CRB1: variants seen among roughly 807,000 people sequenced by gnomAD.
The protein encoded by CRB1 is crumbs cell polarity complex component 1.
A neutral mutation model predicts 120.0 loss-of-function variants in CRB1; 83 were observed. That is an observed-to-expected ratio of 0.69 (90% CI 0.58 to 0.83). The LOEUF (loss-of-function observed/expected upper bound fraction) is 0.83. Ranked by LOEUF, CRB1 falls within the 40% of genes least tolerant of loss-of-function variation. The pLI, the probability that CRB1 is intolerant of heterozygous loss-of-function variation, is 0.00. For synonymous variants in CRB1, 625 were observed against 612.5 expected, an observed-to-expected ratio of 1.02 and a Z score of -0.30; for missense variants, 1,699 against 1,687.6, an observed-to-expected ratio of 1.01 and a Z score of -0.12.
At chr1:197,264,661 G>A (rs576914437), upstream of CRB1, among the ~76,000 whole-genome samples, 10 of 138,678 alleles carry the variant, frequency 7.2e-5, no homozygotes, top group South Asian at 6.8e-4. Context: ...TCGCTCTGTC[G>A]CCCAGGCTGG....
chr1:197,203,890 C>G, the CRB1 span, among the ~76,000 whole-genome samples: 2 of 151,810 alleles, frequency 1.3e-5, no homozygotes, highest in African/African-American at 4.8e-5. Context: ...TTTGGTGCAC[C>G]CATCATCCAA....
rs111258621 is a variant in CRB1, at chr1:197,383,236, A to G, written c.1171+26223A>G. Among the ~76,000 whole-genome samples the G allele has an allele frequency of 1.9e-3, 288 of 152,250 alleles. 1 individual carries two copies. Among genetic ancestry groups the G allele is most frequent in the African/African-American group, 6.6e-3 (274 of 41,548 alleles). ...ACAAGATGTCTATAATAGAGTTTCC[A>G]TAGGAACTCAAACTAAAATTGTTGA... On this transcript the variant is annotated intron_variant, in intron 5 of 11. Coordinates refer to ENST00000367400, the MANE Select transcript of CRB1 (RefSeq NM_201253.3).
upstream of CRB1, among the ~76,000 whole-genome samples, chr1:197,267,605 T>A (rs74136091): frequency 6.6e-6 from 1 of 152,348 alleles, no homozygotes; most frequent in African/African-American, 2.4e-5. Context: ...TTAATGGATG[T>A]TTTCATGGTG....
At chr1:197,397,330 G>A (rs1242243040) in intron 5 of CRB1, among the ~76,000 whole-genome samples, 1 of 152,106 alleles carries the variant, frequency 6.6e-6, no homozygotes, top group Non-Finnish European at 1.5e-5. Flanking sequence ...ACCAAATGCT[G>A]GAGAGGATGT....
chr1:197,451,960 TTTAATACGG>T (rs1356330097), intron 11 of CRB1, among the ~76,000 whole-genome samples: 2 of 152,178 alleles, frequency 1.3e-5, no homozygotes, highest in Admixed American at 6.5e-5. Context: ...AAAATGACAA[TTTAATACGG>T]TTAAACTGAC....
At chr1:197,256,330 G>C in the CRB1 span, among the ~76,000 whole-genome samples, 1 of 151,846 alleles carries the variant, frequency 6.6e-6, no homozygotes, top group Non-Finnish European at 1.5e-5. Flanking sequence ...ACAGGGAGTA[G>C]TCCTTGTTGC....
Position 197,328,733 on chromosome 1 carries a change from G to A in CRB1, c.382G>A (p.Asp128Asn). Reference sequence around the variant, plus strand: ...CCAACATGGAGGTATTTGCCATCAGGACCCTATTTATCCTGTCTGCATCTG... The same window carrying A: ...CCAACATGGAGGTATTTGCCATCAGAACCCTATTTATCCTGTCTGCATCTG... ...SCQHGGICHQ[D>N]PIYPVCICPA... Residue 128 changes from aspartate to asparagine, a missense_variant, in exon 2 of 12, where the codon GAC becomes AAC. Asp to Asn is a conservative substitution (Grantham distance 23). Coordinates refer to ENST00000367400, the MANE Select transcript of CRB1 (RefSeq NM_201253.3). The A allele has an allele frequency of 1.2e-6, 2 of 1,611,982 alleles. No homozygotes were observed. The highest frequency in any genetic ancestry group is 1.7e-6 in the Non-Finnish European group (2 of 1,178,482).
chr1:197,370,393 A>G (rs1470947891), intron 5 of CRB1, among the ~76,000 whole-genome samples: 1 of 152,182 alleles, frequency 6.6e-6, no homozygotes, highest in Non-Finnish European at 1.5e-5. Context: ...TCATCAGCAC[A>G]TGGAACATTC....
chr1:197,235,836 G>A, the CRB1 span, among the ~76,000 whole-genome samples: 42 of 152,220 alleles, frequency 2.8e-4, no homozygotes, highest in Non-Finnish European at 5.1e-4. Flanking sequence ...TATGATCCAA[G>A]GATCATTTTG....
At chr1:197,351,187 CA>C (rs780090689) in intron 4 of CRB1, among the ~76,000 whole-genome samples, 43,353 of 85,706 alleles carry the variant, frequency 0.51, 9,698 homozygotes, top group South Asian at 0.7. Flanking sequence ...ACTAAAAATA[CA>C]AAAAAAAAAA....
At chr1:197,229,299 A>G in the CRB1 span, among the ~76,000 whole-genome samples, 48 of 152,220 alleles carry the variant, frequency 3.2e-4, no homozygotes, top group African/African-American at 1.1e-3. Flanking sequence ...GATTAGCAAC[A>G]TGATATGATA....
intron 5 of CRB1, among the ~76,000 whole-genome samples, chr1:197,376,422 A>G (rs1661649731): frequency 6.6e-6 from 1 of 152,198 alleles, no homozygotes; most frequent in African/African-American, 2.4e-5. Context: ...AAATAATCAC[A>G]AAACAAAACA....
At position 197,477,857 on chromosome 1, in the gene CRB1, C is replaced by G; in HGVS notation, c.4199C>G (p.Pro1400Arg). The change falls in exon 12 of 12, where the codon CCT (proline) becomes CGT (arginine). Residue 1400 changes from proline to arginine, a missense_variant. By Grantham distance (103) the Pro-to-Arg change is moderately radical. Transcript: ENST00000367400. ...RVEMWNLMPP[P>R]AMERLI ...GAAATGTGGAACTTGATGCCACCCC[C>G]TGCAATGGAGAGACTGATTTAGGAG... The G allele has an allele frequency of 6.2e-7, 1 of 1,613,824 alleles. No homozygotes were observed. Among genetic ancestry groups the G allele is most frequent in the East Asian group, 2.2e-5 (1 of 44,872 alleles).
chr1:197,356,957 C>T lies in CRB1; in HGVS notation c.1115C>T (p.Ser372Phe), dbSNP rs1244838953. Reference sequence around the variant, plus strand: ...GGACGCATCACTGGACTGCCTTCTTCTTTCAGCTACCATGAAGCCTCAGGT... The same window carrying T: ...GGACGCATCACTGGACTGCCTTCTTTTTTCAGCTACCATGAAGCCTCAGGT... The part of the protein sequence containing the change: ...QYGRITGLPS[S>F]FSYHEASGYV... Residue 372 changes from serine to phenylalanine, a missense_variant, in exon 5 of 12, where the codon TCT (serine) becomes TTT (phenylalanine). Transcript: ENST00000367400. 1 of 1,614,222 alleles carries T rather than the reference C, an allele frequency of 6.2e-7. No homozygotes were observed. Among genetic ancestry groups the T allele is most frequent in the Non-Finnish European group, 8.5e-7 (1 of 1,180,042 alleles).
At chr1:197,297,197 C>T (rs1432805825) in intron 1 of CRB1, among the ~76,000 whole-genome samples, 1 of 151,808 alleles carries the variant, frequency 6.6e-6, no homozygotes, top group Non-Finnish European at 1.5e-5. Flanking sequence ...CAATTCTGTC[C>T]CGTGTTTGCA....
At chr1:197,397,648 A>T (rs1268042042) in intron 5 of CRB1, among the ~76,000 whole-genome samples, 1 of 152,234 alleles carries the variant, frequency 6.6e-6, no homozygotes, top group Non-Finnish European at 1.5e-5. Flanking sequence ...CAAACCATTA[A>T]CACATGCAAC....
intron 1 of CRB1, among the ~76,000 whole-genome samples, chr1:197,286,268 T>C (rs1655820363): frequency 1.3e-5 from 2 of 152,036 alleles, no homozygotes; most frequent in South Asian, 2.1e-4. Flanking sequence ...AACAACCTCA[T>C]TTATTGAGAA....
chr1:197,452,829 A>T (rs993092604), intron 11 of CRB1, among the ~76,000 whole-genome samples: 7 of 152,182 alleles, frequency 4.6e-5, no homozygotes, highest in African/African-American at 1.4e-4. Flanking sequence ...CCAAAAAATT[A>T]AAAATAGAAC....
chr1:197,453,894 T>C (rs1042469725), intron 11 of CRB1, among the ~76,000 whole-genome samples: 1 of 122,326 alleles, frequency 8.2e-6, no homozygotes, highest in African/African-American at 3.1e-5. Context: ...TTATTAATAT[T>C]ATTATATTAT....
Sources: allele counts gnomAD v4.1 joint callset (sites outside exome capture counted in the v4.1 genomes callset), GRCh38; gene constraint gnomAD v4.1.1; transcripts MANE v1.5; gene names NCBI Gene and HGNC (gene_info 2026-07-23, HGNC 2026-07-21).